PAAF1: variants seen among roughly 807,000 people sequenced by gnomAD.
PAAF1 encodes proteasomal ATPase associated factor 1.
Under a neutral mutation model 52.8 loss-of-function variants are expected in PAAF1, and 46 were observed. The observed-to-expected ratio is 0.87, with a 90% CI of 0.69 to 1.11. The LOEUF (loss-of-function observed/expected upper bound fraction) is 1.11. Ranked by LOEUF, PAAF1 falls within the 50% of genes most tolerant of loss-of-function variation. The pLI is 0.00. For synonymous variants in PAAF1, 178 were observed against 172.8 expected, an observed-to-expected ratio of 1.03 and a Z score of -0.24; for missense variants, 424 against 477.4, an observed-to-expected ratio of 0.89 and a Z score of 1.04.
intron 4 of PAAF1, among the ~76,000 whole-genome samples, chr11:73,892,475 T>C (rs1220781971): frequency 1.3e-5 from 2 of 152,178 alleles, no homozygotes; most frequent in African/African-American, 2.4e-5. Context: ...TTAGGAACTT[T>C]TGTTGTATAT....
chr11:73,880,710 A>T (rs1409936125), intron 2 of PAAF1: 1 of 146,290 alleles, frequency 6.8e-6, no homozygotes, highest in African/African-American at 2.6e-5. Flanking sequence ...AAAAAAAAAA[A>T]AAAAAAAGCC....
intron 2 of PAAF1, among the ~76,000 whole-genome samples, chr11:73,886,334 C>G (rs146148572): frequency 5.1e-4 from 78 of 152,330 alleles, no homozygotes; most frequent in African/African-American, 1.9e-3. Flanking sequence ...TCTACAAATG[C>G]TGTATCAAAT....
intron 11 of PAAF1, among the ~76,000 whole-genome samples, chr11:73,926,573 G>T (rs1432515718): frequency 6.6e-6 from 1 of 152,142 alleles, no homozygotes; most frequent in South Asian, 2.1e-4. Flanking sequence ...GCCAGGCGTG[G>T]TGGTGGGTGT....
chr11:73,903,392 C>T (rs1301890684), intron 6 of PAAF1, among the ~76,000 whole-genome samples: 1 of 152,174 alleles, frequency 6.6e-6, no homozygotes, highest in Non-Finnish European at 1.5e-5. Flanking sequence ...AACCAAATGA[C>T]TTCCAAGTTG....
Position 73,924,662 on chromosome 11 carries a change from G to T in PAAF1, c.1066G>T (p.Glu356Ter). ...IVQQDLDYVT[E>*]LTGADCDPVY... ...CCAGCAAGACTTAGACTATGTCACT[G>T]AGCTCACTGGGGCTGACTGTGACCC... Residue 356 changes from glutamate to a stop codon, truncating the protein, a stop_gained, in exon 11 of 12, where the codon GAG becomes TAG. Coordinates refer to ENST00000310571, the MANE Select transcript of PAAF1 (RefSeq NM_025155.3). LOFTEE classifies it high-confidence loss of function. 1 of 1,614,092 alleles carries T rather than the reference G, an allele frequency of 6.2e-7. No homozygotes were observed. The highest frequency in any genetic ancestry group is 8.5e-7 in the Non-Finnish European group (1 of 1,179,970).
intron 10 of PAAF1, among the ~76,000 whole-genome samples, chr11:73,920,904 C>T (rs1259364617): frequency 3.3e-5 from 5 of 151,604 alleles, no homozygotes; most frequent in Non-Finnish European, 7.4e-5. Context: ...TAGTGGCTCA[C>T]GCCTGTAATC....
At chr11:73,898,757 T>C (rs188494158) in intron 4 of PAAF1, among the ~76,000 whole-genome samples, 48 of 152,234 alleles carry the variant, frequency 3.2e-4, no homozygotes, top group African/African-American at 1.1e-3. Flanking sequence ...GAGGTTGCAG[T>C]GAGCTGAGAT....
intron 9 of PAAF1, among the ~76,000 whole-genome samples, chr11:73,916,919 A>G (rs1950081158): frequency 6.6e-6 from 1 of 152,200 alleles, no homozygotes; most frequent in African/African-American, 2.4e-5. Flanking sequence ...CTAACATTTC[A>G]TTTAAATTGA....
intron 11 of PAAF1, among the ~76,000 whole-genome samples, chr11:73,925,960 A>G (rs554001041): frequency 1.3e-5 from 2 of 152,272 alleles, no homozygotes; most frequent in East Asian, 3.9e-4. Context: ...GCACACTTAC[A>G]TCTTTATGTA....
intron 6 of PAAF1, among the ~76,000 whole-genome samples, chr11:73,903,863 CACCTGAGGTCAGGAGTTCAAA>C: frequency 6.6e-6 from 1 of 151,880 alleles, no homozygotes; most frequent in East Asian, 1.9e-4. Context: ...GTGGGAGGAT[CACCTGAGGTCAGGAGTTCAAA>C]ACCAGCCTGG....
At chr11:73,881,287 T>C (rs1948899706) in intron 2 of PAAF1, among the ~76,000 whole-genome samples, 1 of 152,218 alleles carries the variant, frequency 6.6e-6, no homozygotes, top group Non-Finnish European at 1.5e-5. Context: ...CGATACATAC[T>C]ATTAAAGCAG....
intron 9 of PAAF1, among the ~76,000 whole-genome samples, chr11:73,917,764 G>C (rs139961047): frequency 1.2e-4 from 18 of 152,214 alleles, no homozygotes; most frequent in Non-Finnish European, 2.5e-4. Flanking sequence ...CCCAGGTACT[G>C]GGGGGCTGAG....
intron 6 of PAAF1, among the ~76,000 whole-genome samples, chr11:73,903,632 G>A (rs768579544): frequency 7.3e-5 from 11 of 149,762 alleles, no homozygotes; most frequent in South Asian, 2.1e-4. Context: ...CAGGAGAATC[G>A]CTTGAACTCA....
intron 5 of PAAF1, among the ~76,000 whole-genome samples, 164 bp downstream of exon 5, chr11:73,899,408 CTTTT>C (rs71065053): frequency 8.9e-4 from 90 of 101,186 alleles, no homozygotes; most frequent in South Asian, 6.7e-3. Context: ...TTCTTTTTCT[CTTTT>C]TTTTTTTTTT....
At chr11:73,913,892 A>T (rs1371509716) in intron 7 of PAAF1, among the ~76,000 whole-genome samples, 1 of 152,028 alleles carries the variant, frequency 6.6e-6, no homozygotes, top group Non-Finnish European at 1.5e-5. Context: ...ATATTTTAAA[A>T]GTTGGGCTTA....
Position 73,930,819 on chromosome 11 carries a change from ATGG to A in PAAF1, c.*3462_*3464del, listed in dbSNP as rs1451627815. 1.3e-5 allele frequency: 2 copies of A among 151,034 alleles called. No homozygotes were observed. The highest frequency in any genetic ancestry group is 4.9e-5 in the African/African-American group (2 of 41,180). The allele number at this position is 151,034 out of a possible 1,614,324, so 9.4% of individuals were successfully genotyped here. A position where few individuals can be genotyped will look rare whatever the true frequency, so the allele number is the denominator to read the frequency against. On this transcript the variant is annotated 3_prime_UTR_variant, in exon 12 of 12. Transcript: ENST00000310571. ...TATATATGTAGAAGCAGTGAGTAGA[ATGG>A]TGGTTACAGAGACTCGGGGAGGAGG...
At chr11:73,906,681 A>G (rs1949765450) in intron 6 of PAAF1, among the ~76,000 whole-genome samples, 1 of 152,140 alleles carries the variant, frequency 6.6e-6, no homozygotes, top group Non-Finnish European at 1.5e-5. Context: ...AAGCTGTGGC[A>G]TTTTCTTAAA....
chr11:73,925,504 T>C (rs965233534), intron 11 of PAAF1, among the ~76,000 whole-genome samples: 2 of 151,524 alleles, frequency 1.3e-5, no homozygotes, highest in Admixed American at 6.6e-5. Context: ...ACTTACTAGC[T>C]CTAGAAACTT....
rs1950425195 is a variant in PAAF1 at position 73,929,369 on chromosome 11, A to C, written c.*2007A>C. The C allele has an allele frequency of 6.6e-6, 1 of 152,168 alleles. No homozygotes were observed. The highest frequency in any genetic ancestry group is 2.1e-4 in the South Asian group (1 of 4,826). The allele number at this position is 152,168 out of a possible 1,614,324, so 9.4% of individuals were successfully genotyped here. ...AACCAGGAACTTTGTCTTAACTTTA[A>C]ATCCCATTTTTTTCTACAACACCCT... On this transcript the variant is annotated 3_prime_UTR_variant, in exon 12 of 12. Transcript: ENST00000310571.
Sources: allele counts gnomAD v4.1 joint callset (sites outside exome capture counted in the v4.1 genomes callset), GRCh38; gene constraint gnomAD v4.1.1; transcripts MANE v1.5; gene names NCBI Gene and HGNC (gene_info 2026-07-23, HGNC 2026-07-21).